Variants in SLC12A8 observed in about 807,000 individuals in gnomAD.
SLC12A8 encodes the protein solute carrier family 12 member 8, also known as cation-chloride cotransporter 9.
SLC12A8 carries 69 observed loss-of-function variants against 75.6 expected under a neutral mutation model. The ratio of observed to expected loss-of-function variants is 0.91; its 90% CI spans 0.75 to 1.11. The LOEUF (loss-of-function observed/expected upper bound fraction) is 1.11, where lower values mean the gene tolerates loss of function less well. Among genes scored for constraint, SLC12A8 ranks in the 50% most tolerant of loss-of-function variants. The pLI, the probability that SLC12A8 is intolerant of heterozygous loss-of-function variation, is 0.00. For synonymous variants in SLC12A8, 365 were observed against 372.8 expected, an observed-to-expected ratio of 0.98 and a Z score of 0.24; for missense variants, 877 against 896.7, an observed-to-expected ratio of 0.98 and a Z score of 0.28.
chr3:125,091,617 A>C (rs1938584695), intron 11 of SLC12A8, 61 bp from the exon 12 acceptor site: 1 of 1,114,422 alleles, frequency 9.0e-7, no homozygotes, highest in African/African-American at 1.5e-5. Context: ...TAAGCAAGCC[A>C]CAAGGCTAAT....
chr3:125,165,562 T>A (rs1934267358), intron 5 of SLC12A8, among the ~76,000 whole-genome samples: 1 of 152,128 alleles, frequency 6.6e-6, no homozygotes, highest in Non-Finnish European at 1.5e-5. Flanking sequence ...TGGCTCTTCA[T>A]CTCAGGAGGA....
intron 2 of SLC12A8, among the ~76,000 whole-genome samples, chr3:125,201,541 C>T (rs1163688214): frequency 6.6e-6 from 1 of 151,708 alleles, no homozygotes; most frequent in African/African-American, 2.4e-5. Flanking sequence ...TTGGGAGGCC[C>T]ATGGGAGGAT....
intron 6 of SLC12A8, among the ~76,000 whole-genome samples, chr3:125,130,592 A>T (rs1296144751): frequency 2.5e-5 from 1 of 39,616 alleles, no homozygotes; most frequent in African/African-American, 4.5e-5. Context: ...ACCCTGTCTT[A>T]AAAAAAAGAA....
chr3:125,134,268 AT>A (rs60991413), intron 6 of SLC12A8, among the ~76,000 whole-genome samples: 122,208 of 151,504 alleles, frequency 0.81, 50,569 homozygotes, highest in Middle Eastern at 0.95. Context: ...TGCCAGGCTA[AT>A]TTTTTTTTAT....
chr3:125,193,871 G>A (rs1934955231), intron 2 of SLC12A8, among the ~76,000 whole-genome samples: 2 of 152,132 alleles, frequency 1.3e-5, no homozygotes, highest in South Asian at 4.1e-4. Flanking sequence ...CCAGTTCCAG[G>A]CTCTCTTGTT....
intron 5 of SLC12A8, among the ~76,000 whole-genome samples, chr3:125,156,830 G>A (rs1934061554): frequency 6.6e-6 from 1 of 152,074 alleles, no homozygotes; most frequent in South Asian, 2.1e-4. Context: ...CTCCAGGCAG[G>A]GCTCCAAAGA....
At chr3:125,200,224 G>A (rs1260471) in intron 2 of SLC12A8, among the ~76,000 whole-genome samples, 47,032 of 152,076 alleles carry the variant, frequency 0.31, 7,629 homozygotes, top group East Asian at 0.49. Context: ...CCAGGCAGGC[G>A]GATCGCTTGA....
intron 2 of SLC12A8, among the ~76,000 whole-genome samples, chr3:125,198,429 T>C (rs1360346758): frequency 1.3e-5 from 2 of 151,958 alleles, no homozygotes; most frequent in Non-Finnish European, 2.9e-5. Flanking sequence ...GGTCAGGAGT[T>C]CGAAACCAGC....
At chr3:125,118,909 C>G in intron 7 of SLC12A8, 53 bp from the exon 8 acceptor site, 2 of 1,197,866 alleles carry the variant, frequency 1.7e-6, no homozygotes, top group Non-Finnish European at 1.2e-6. Context: ...TCACCCAGCC[C>G]CATCCAATTC....
chr3:125,115,820 G>A (rs1273454894), intron 8 of SLC12A8, among the ~76,000 whole-genome samples: 1 of 144,016 alleles, frequency 6.9e-6, no homozygotes, highest in Non-Finnish European at 1.5e-5. Context: ...GGTGATGCGC[G>A]GGGCACACAT....
rs1935282612 is a variant in SLC12A8 at position 125,208,824 on chromosome 3, AGC to A, written c.51+2473_51+2474del. Among the ~76,000 whole-genome samples, 2 of 127,480 alleles carry A rather than the reference AGC, an allele frequency of 1.6e-5. 1 individual carries two copies. Among genetic ancestry groups the A allele is most frequent in the South Asian group, 6.0e-4 (2 of 3,322 alleles). The allele number at this position is 127,480 out of a possible 152,430, so 83.6% of individuals were successfully genotyped here. A position where few individuals can be genotyped will look rare whatever the true frequency, so the allele number is the denominator to read the frequency against. ...GAGAGAGAGAGAGAGAGAGAGAGAGAGCTACCCTATCTGGTCCTAAAATGATT... is the reference window on the plus strand; with the variant it reads ...GAGAGAGAGAGAGAGAGAGAGAGAGATACCCTATCTGGTCCTAAAATGATT... On this transcript the variant is annotated intron_variant, in intron 2 of 13. Coordinates refer to ENST00000469902, the MANE Select transcript of SLC12A8 (RefSeq NM_024628.6).
intron 8 of SLC12A8, among the ~76,000 whole-genome samples, chr3:125,115,188 T>C (rs943826681): frequency 6.6e-6 from 1 of 152,160 alleles, no homozygotes; most frequent in Non-Finnish European, 1.5e-5. Flanking sequence ...CACATACACC[T>C]GAGAGCTGGG....
chr3:125,107,257 A>G (rs538546840), intron 10 of SLC12A8, among the ~76,000 whole-genome samples: 5 of 152,372 alleles, frequency 3.3e-5, no homozygotes, highest in Admixed American at 3.3e-4. Context: ...CAGGTCTAAC[A>G]TACAGGAGTA....
chr3:125,106,859 T>C (rs1398354174), intron 10 of SLC12A8, among the ~76,000 whole-genome samples: 1 of 152,158 alleles, frequency 6.6e-6, no homozygotes, highest in Non-Finnish European at 1.5e-5. Flanking sequence ...AAGGTCTTAC[T>C]TGTAAAAGGG....
chr3:125,152,054 T>C (rs945567240), intron 5 of SLC12A8, among the ~76,000 whole-genome samples: 3 of 152,234 alleles, frequency 2.0e-5, no homozygotes, highest in Admixed American at 6.5e-5. Flanking sequence ...TTCCAGTATT[T>C]CTTCCCTGAT....
At chr3:125,210,400 T>C (rs1935313309) in intron 2 of SLC12A8, among the ~76,000 whole-genome samples, 1 of 152,168 alleles carries the variant, frequency 6.6e-6, no homozygotes, top group African/African-American at 2.4e-5. Flanking sequence ...GGTCAGACTG[T>C]ATAGGGCTGA....
chr3:125,101,581 T>A (rs1293645379), intron 10 of SLC12A8, among the ~76,000 whole-genome samples: 1 of 152,216 alleles, frequency 6.6e-6, no homozygotes, highest in African/African-American at 2.4e-5. Flanking sequence ...TACAAATGTT[T>A]TTTATTTCTA....
intron 5 of SLC12A8, among the ~76,000 whole-genome samples, chr3:125,156,424 A>G (rs1934052921): frequency 6.6e-6 from 1 of 152,222 alleles, no homozygotes. Flanking sequence ...TGGCGCGAGA[A>G]AAGTAAATAC....
intron 10 of SLC12A8, among the ~76,000 whole-genome samples, chr3:125,096,956 C>T (rs1214028596): frequency 6.6e-6 from 1 of 152,164 alleles, no homozygotes; most frequent in Non-Finnish European, 1.5e-5. Flanking sequence ...TATGTCTATT[C>T]AGCATGTTAA....
Sources: gnomAD v4.1 joint callset for allele counts (sites outside exome capture counted in the v4.1 genomes callset) on GRCh38, gnomAD v4.1.1 for gene constraint, MANE v1.5 for transcripts, NCBI Gene and HGNC (gene_info 2026-07-23, HGNC 2026-07-21) for gene names.